The following CPNE8 variants were observed in gnomAD, a reference collection of about 807,000 sequenced individuals.
CPNE8 encodes the protein copine-8.
CPNE8 carries 45 observed loss-of-function variants against 81.5 expected under a neutral mutation model. The observed-to-expected ratio is 0.55, with a 90% confidence interval of 0.44 to 0.71. The LOEUF (loss-of-function observed/expected upper bound fraction) is 0.71. Ranked by LOEUF, CPNE8 falls within the 30% of genes least tolerant of loss-of-function variation. The probability of loss-of-function intolerance (pLI) is 0.00; values close to 1 mark genes in which losing one functional copy is unlikely to be tolerated. For missense variants in CPNE8, 594 were observed against 672.1 expected (o/e 0.88, Z 1.28); for synonymous variants, 252 against 226.3 (o/e 1.11, Z -1.02).
intron 6 of CPNE8, among the ~76,000 whole-genome samples, chr12:38,796,930 A>G (rs541115934): frequency 6.6e-6 from 1 of 152,298 alleles, no homozygotes; most frequent in Admixed American, 6.5e-5. Context: ...ACGTCCATGG[A>G]GTCTCGCTGA....
chr12:38,755,872 C>T (rs2136835151), intron 10 of CPNE8, among the ~76,000 whole-genome samples: 1 of 151,622 alleles, frequency 6.6e-6, no homozygotes, highest in Non-Finnish European at 1.5e-5. Flanking sequence ...AACCCCGTCT[C>T]TACTAAAAAT....
chr12:38,732,169 T>C (rs1358220772), intron 10 of CPNE8, among the ~76,000 whole-genome samples: 1 of 151,952 alleles, frequency 6.6e-6, no homozygotes. Flanking sequence ...TGTGCTAAAC[T>C]TACCCATGCT....
chr12:38,690,012 C>T (rs1468369581), intron 15 of CPNE8, among the ~76,000 whole-genome samples: 1 of 152,178 alleles, frequency 6.6e-6, no homozygotes, highest in African/African-American at 2.4e-5. Context: ...TTTACTGAGA[C>T]CTTTTCAAAC....
chr12:38,657,139 C>G (rs1450438580), intron 19 of CPNE8, among the ~76,000 whole-genome samples: 5 of 152,136 alleles, frequency 3.3e-5, no homozygotes, highest in Admixed American at 1.3e-4. Flanking sequence ...GAAGCCATGA[C>G]AGACTGTACC....
At chr12:38,678,916 A>C (rs1332425625) in intron 16 of CPNE8, among the ~76,000 whole-genome samples, 2 of 151,894 alleles carry the variant, frequency 1.3e-5, no homozygotes, top group African/African-American at 4.8e-5. Flanking sequence ...ATTTAGTAGT[A>C]ACACAACCAG....
chr12:38,737,424 TTAACTA>T lies in CPNE8; in HGVS notation c.723-7072_723-7067del, dbSNP rs1322522496. Among the ~76,000 whole-genome samples, 62 of 152,292 alleles carry T rather than the reference TTAACTA, an allele frequency of 4.1e-4. No individual in the cohort carries two copies. In the East Asian group the frequency reaches 0.012, roughly 28 times the overall value. ...AATTTGCAGTTCAAAAAATTTTACT[TTAACTA>T]TATAGCACAGTAGTTCAAAAAATTT... is the stretch of plus-strand genomic sequence containing the variant. On this transcript the variant is annotated intron_variant, in intron 10 of 19. Coordinates refer to ENST00000331366, the MANE Select transcript of CPNE8 (RefSeq NM_153634.3).
At chr12:38,898,015 C>G (rs1037380623) in intron 1 of CPNE8, among the ~76,000 whole-genome samples, 3 of 152,174 alleles carry the variant, frequency 2.0e-5, no homozygotes, top group Non-Finnish European at 4.4e-5. Flanking sequence ...AAAACTGGCT[C>G]TCAAACAGGC....
At chr12:38,662,619 A>C (rs55828987) in intron 19 of CPNE8, among the ~76,000 whole-genome samples, 45,164 of 152,086 alleles carry the variant, frequency 0.3, 8,674 homozygotes, top group Non-Finnish European at 0.42. Flanking sequence ...GACATTCTTT[A>C]CAGAAATAGA....
At chr12:38,883,532 T>TTGA (rs376103261) in intron 1 of CPNE8, among the ~76,000 whole-genome samples, 13 of 152,206 alleles carry the variant, frequency 8.5e-5, no homozygotes, top group African/African-American at 2.9e-4. Flanking sequence ...GATTGGGAGC[T>TTGA]TGATGAATAC....
At chr12:38,685,088 G>T (rs1939503788) in intron 16 of CPNE8, among the ~76,000 whole-genome samples, 1 of 152,128 alleles carries the variant, frequency 6.6e-6, no homozygotes, top group Non-Finnish European at 1.5e-5. Context: ...GCTTCAAGTA[G>T]TCATCTAATA....
rs761022825 is a variant in CPNE8, at chr12:38,668,824, C to T, written c.1506+1905G>A. ...CAGCACATTGGGAGGCCGAGGCGGGCGGATCACAAGGTCAGGAGGTCGAGA... is the reference window on the plus strand; with the variant it reads ...CAGCACATTGGGAGGCCGAGGCGGGTGGATCACAAGGTCAGGAGGTCGAGA... On this transcript the variant is annotated intron_variant, in intron 19 of 19. Transcript: ENST00000331366. 9.2e-5 allele frequency among the ~76,000 whole-genome samples: 14 copies of T among 151,908 alleles called. 1 individual carries two copies. The highest frequency in any genetic ancestry group is 6.8e-3 in the Middle Eastern group (2 of 292).
At chr12:38,737,610 C>G (rs1462516423) in intron 10 of CPNE8, among the ~76,000 whole-genome samples, 4 of 152,070 alleles carry the variant, frequency 2.6e-5, no homozygotes, top group African/African-American at 9.7e-5. Flanking sequence ...AATCATCTCT[C>G]TAGATTTGCT....
At chr12:38,743,984 C>A (rs181127637) in intron 10 of CPNE8, among the ~76,000 whole-genome samples, 15 of 152,268 alleles carry the variant, frequency 9.9e-5, no homozygotes, top group African/African-American at 3.4e-4. Flanking sequence ...CATGATTTGA[C>A]TATGACATGA....
intron 1 of CPNE8, among the ~76,000 whole-genome samples, chr12:38,899,967 A>T (rs1409912637): frequency 2.0e-5 from 3 of 151,376 alleles, no homozygotes; most frequent in African/African-American, 4.9e-5. Context: ...AGATGATTAT[A>T]AAAAAAAACA....
At chr12:38,874,640 C>T in intron 1 of CPNE8, 129 bp from the exon 2 acceptor site, 1 of 535,566 alleles carries the variant, frequency 1.9e-6, no homozygotes, top group Non-Finnish European at 3.3e-6. Context: ...CACACATATA[C>T]ATATATATGA....
intron 2 of CPNE8, among the ~76,000 whole-genome samples, chr12:38,874,041 A>G (rs1944029011): frequency 6.6e-6 from 1 of 151,300 alleles, no homozygotes; most frequent in African/African-American, 2.4e-5. Flanking sequence ...CTCAGGCAAT[A>G]GTCCTGCTTC....
intron 6 of CPNE8, among the ~76,000 whole-genome samples, chr12:38,791,834 A>T (rs4768358): frequency 0.95 from 144,677 of 151,580 alleles, 69,248 homozygotes; most frequent in East Asian, 1. Context: ...ACATTTTAGG[A>T]CACAAAACAA....
intron 6 of CPNE8, among the ~76,000 whole-genome samples, chr12:38,787,326 T>G (rs1405589401): frequency 6.6e-6 from 1 of 151,632 alleles, no homozygotes; most frequent in Admixed American, 6.6e-5. Flanking sequence ...TAGAAACACA[T>G]GAAAATTTAA....
At chr12:38,728,715 T>C (rs973178660) in intron 11 of CPNE8, among the ~76,000 whole-genome samples, 1 of 152,110 alleles carries the variant, frequency 6.6e-6, no homozygotes, top group Non-Finnish European at 1.5e-5. Context: ...GAAGAACTAA[T>C]GGCTGGAAAT....
Sources: gnomAD v4.1 joint callset for allele counts (sites outside exome capture counted in the v4.1 genomes callset) on GRCh38, gnomAD v4.1.1 for gene constraint, MANE v1.5 for transcripts, NCBI Gene and HGNC (gene_info 2026-07-23, HGNC 2026-07-21) for gene names.